LGR6: variants seen among roughly 807,000 people sequenced by gnomAD.
The protein encoded by LGR6 is leucine-rich repeat-containing G protein-coupled receptor 6.
LGR6 carries 45 observed loss-of-function variants against 69.4 expected under a neutral mutation model. The observed-to-expected ratio is 0.65, with a 90% confidence interval of 0.51 to 0.83. The LOEUF (loss-of-function observed/expected upper bound fraction) is 0.83, where lower values mean the gene tolerates loss of function less well. LGR6 is among the 40% of genes least tolerant of loss of function. LGR6 has a pLI of 0.00. For synonymous variants in LGR6, 538 were observed against 555.0 expected, an observed-to-expected ratio of 0.97 and a Z score of 0.43; for missense variants, 1,108 against 1,246.7, an observed-to-expected ratio of 0.89 and a Z score of 1.68.
At chr1:202,222,169 C>T (rs894375784) in intron 1 of LGR6, among the ~76,000 whole-genome samples, 5 of 152,236 alleles carry the variant, frequency 3.3e-5, no homozygotes, top group African/African-American at 9.6e-5. Context: ...TCTTCCTTCC[C>T]CTTCCCCTGG....
At chr1:202,290,718 C>G (rs573930970) in intron 6 of LGR6, among the ~76,000 whole-genome samples, 27 of 152,104 alleles carry the variant, frequency 1.8e-4, no homozygotes, top group Non-Finnish European at 3.7e-4. Context: ...ACTAAAAATA[C>G]AAGGGTGTGG....
chr1:202,287,660 C>G (rs939297445), intron 6 of LGR6, among the ~76,000 whole-genome samples: 2 of 152,212 alleles, frequency 1.3e-5, no homozygotes, highest in African/African-American at 4.8e-5. Context: ...GGCAGCTTTA[C>G]TCCTGCAGTT....
intron 4 of LGR6, among the ~76,000 whole-genome samples, chr1:202,240,574 G>A (rs1662103062): frequency 6.6e-6 from 1 of 152,070 alleles, no homozygotes; most frequent in Non-Finnish European, 1.5e-5. Context: ...GTGTGTGTGT[G>A]TTGGTGGGAA....
chr1:202,318,319 C>T lies in LGR6; in HGVS notation c.2016C>T (p.Ser672=). The T allele has an allele frequency of 6.3e-7, 1 of 1,593,708 alleles. No homozygotes were observed. The highest frequency in any genetic ancestry group is 8.6e-7 in the Non-Finnish European group (1 of 1,169,212). ...LAAVQCSVSV[S]CVRAYGKSPS... ...CAGTGCAGTGCAGCGTCTCCGTCTCCTGTGTCCGGGCCTATGGGAAGTCCC... is the reference window on the plus strand; with the variant it reads ...CAGTGCAGTGCAGCGTCTCCGTCTCTTGTGTCCGGGCCTATGGGAAGTCCC... The change falls in exon 18 of 18, where the codon TCC becomes TCT. Residue 672 remains serine (S), a synonymous_variant. Coordinates refer to ENST00000367278, the MANE Select transcript of LGR6 (RefSeq NM_001017403.2).
At chr1:202,239,344 GGTGTGTGTGTGT>G (rs36157781) in intron 4 of LGR6, among the ~76,000 whole-genome samples, 1,635 of 144,016 alleles carry the variant, frequency 0.011, 7 homozygotes, top group Non-Finnish European at 0.012. Context: ...GTGTGTGTGT[GGTGTGTGTGTGT>G]GTGTGTGTGT....
chr1:202,297,621 G>T lies in LGR6; in HGVS notation c.785+45G>T, dbSNP rs770432149. On this transcript the variant is annotated intron_variant, in intron 7 of 17. Coordinates refer to ENST00000367278, the MANE Select transcript of LGR6 (RefSeq NM_001017403.2). ...TCTGTGGGTGTCCTTCTGTCCCAAG[G>T]GCAGGGGCTGAAGCCAGCCTGAGCT... The T allele has an allele frequency of 5.2e-6, 8 of 1,539,638 alleles. No individual in the cohort carries two copies. In the Admixed American group the frequency reaches 1.0e-4, roughly 20 times the overall value.
At chr1:202,229,640 G>A (rs1472835025) in intron 3 of LGR6, among the ~76,000 whole-genome samples, 1 of 152,188 alleles carries the variant, frequency 6.6e-6, no homozygotes, top group African/African-American at 2.4e-5. Context: ...CAGGCCTCCC[G>A]CCCCCCTTTC....
Position 202,225,426 on chromosome 1 carries a change from C to T in LGR6, c.216C>T (p.Asp72=). 6.2e-7 allele frequency: 1 copy of T among 1,613,812 alleles called. No individual in the cohort carries two copies. Among genetic ancestry groups the T allele is most frequent in the Non-Finnish European group, 8.5e-7 (1 of 1,179,746 alleles). ...GDLDPLTAYL[D]LSMNNLTELQ... The stretch of plus-strand genomic sequence containing the variant: ...TTTTCCATCTTCTCTCCACCAGGGA[C>T]CTCAGCATGAACAACCTCACAGAGC... The change falls in exon 2 of 18, where the codon GAC becomes GAT. Residue 72 remains aspartate, a synonymous_variant. Transcript: ENST00000367278.
chr1:202,211,982 T>C (rs768059314), intron 1 of LGR6, among the ~76,000 whole-genome samples: 1 of 152,232 alleles, frequency 6.6e-6, no homozygotes, highest in African/African-American at 2.4e-5. Flanking sequence ...TCACCCATGT[T>C]GTTGCTGGTG....
intron 1 of LGR6, 132 bp from the exon 2 acceptor site, chr1:202,225,291 T>C: frequency 2.6e-6 from 2 of 766,456 alleles, no homozygotes; most frequent in South Asian, 2.8e-5. Flanking sequence ...AGACTGGCTT[T>C]GGAGTCAGAA....
At chr1:202,206,438 G>A (rs935907975) in intron 1 of LGR6, among the ~76,000 whole-genome samples, 4 of 152,198 alleles carry the variant, frequency 2.6e-5, no homozygotes, top group African/African-American at 9.7e-5. Flanking sequence ...TGTGTGACTG[G>A]GTGGCCAGGA....
At chr1:202,242,786 A>T (rs1662320704) in intron 4 of LGR6, among the ~76,000 whole-genome samples, 1 of 152,036 alleles carries the variant, frequency 6.6e-6, no homozygotes, top group African/African-American at 2.4e-5. Flanking sequence ...AAAGCAAGGG[A>T]CCTCTGGACA....
chr1:202,235,676 C>A (rs754763898), intron 3 of LGR6, among the ~76,000 whole-genome samples: 1 of 152,188 alleles, frequency 6.6e-6, no homozygotes, highest in African/African-American at 2.4e-5. Flanking sequence ...CCTAGGGTCC[C>A]TTCTGAGATG....
At chr1:202,259,738 C>T (rs1664069249) in intron 4 of LGR6, among the ~76,000 whole-genome samples, 1 of 151,974 alleles carries the variant, frequency 6.6e-6, no homozygotes, top group Non-Finnish European at 1.5e-5. Flanking sequence ...TACTCTATCC[C>T]TCAAATTTTA....
intron 1 of LGR6, among the ~76,000 whole-genome samples, chr1:202,218,735 A>G (rs1659949476): frequency 6.6e-6 from 1 of 151,792 alleles, no homozygotes; most frequent in Admixed American, 6.6e-5. Flanking sequence ...CCATGCCCCA[A>G]CTCATTCTGC....
intron 6 of LGR6, among the ~76,000 whole-genome samples, chr1:202,288,009 A>G (rs1666520146): frequency 6.6e-6 from 1 of 152,134 alleles, no homozygotes; most frequent in Admixed American, 6.5e-5. Flanking sequence ...TCCAGAAAAA[A>G]AAAAGCCAAC....
rs145828555 is a variant in LGR6 at position 202,220,813 on chromosome 1, C to T, written c.213-4610C>T. On this transcript the variant is annotated intron_variant, in intron 1 of 17. Transcript: ENST00000367278. ...TCGGCTCCTGGCCACTGTAGCTGGC[C>T]TTTTCCTGAAAGCAGATCTTAAATG... Among the ~76,000 whole-genome samples the T allele has an allele frequency of 4.8e-3, 725 of 152,012 alleles. 2 individuals carry two copies. Among genetic ancestry groups the T allele is most frequent in the Non-Finnish European group, 7.3e-3 (498 of 67,958 alleles).
chr1:202,222,395 G>A (rs1660220213), intron 1 of LGR6, among the ~76,000 whole-genome samples: 1 of 152,124 alleles, frequency 6.6e-6, no homozygotes, highest in African/African-American at 2.4e-5. Context: ...CCGCTAGTCA[G>A]GGTGGTGGGG....
At chr1:202,214,175 C>T (rs1442677349) in intron 1 of LGR6, 4 of 1,527,606 alleles carry the variant, frequency 2.6e-6, no homozygotes, top group Admixed American at 2.3e-5. Flanking sequence ...AGGGAGAGGG[C>T]CGCTCAGCGA....
Sources: allele counts gnomAD v4.1 joint callset (sites outside exome capture counted in the v4.1 genomes callset), GRCh38; gene constraint gnomAD v4.1.1; transcripts MANE v1.5; gene names NCBI Gene and HGNC (gene_info 2026-07-23, HGNC 2026-07-21).